The following DNAJC6 variants were observed in gnomAD, a reference collection of about 807,000 sequenced individuals.
DNAJC6 encodes auxilin.
Under a neutral mutation model 110.0 loss-of-function variants are expected in DNAJC6, and 34 were observed. The ratio of observed to expected loss-of-function variants is 0.31; its 90% CI spans 0.24 to 0.41. The LOEUF (loss-of-function observed/expected upper bound fraction) is 0.41. DNAJC6 is among the 10% of genes least tolerant of loss of function. The probability of loss-of-function intolerance (pLI) is 1.00; values close to 1 mark genes in which losing one functional copy is unlikely to be tolerated. For missense variants in DNAJC6, 1,031 were observed against 1,207.8 expected, an observed-to-expected ratio of 0.85 and a Z score of 2.17; for synonymous variants, 406 against 437.2, an observed-to-expected ratio of 0.93 and a Z score of 0.89.
At chr1:65,374,463 G>A (rs1645740234) in intron 4 of DNAJC6, among the ~76,000 whole-genome samples, 1 of 123,308 alleles carries the variant, frequency 8.1e-6, no homozygotes. Flanking sequence ...TTTCATCAGA[G>A]TTTTACAGTT....
rs1417809570 is a variant in DNAJC6, at chr1:65,355,243, C to T, written c.194-9392C>T. 1.4e-4 allele frequency among the ~76,000 whole-genome samples: 15 copies of T among 109,644 alleles called. No homozygotes were observed. The Admixed American group carries it at 1.9e-3, about 14-fold the overall frequency. 71.9% of individuals were successfully genotyped at this position (109,644 alleles called of 152,430 possible). On this transcript the variant is annotated intron_variant, in intron 1 of 18. Coordinates refer to ENST00000371069, the MANE Select transcript of DNAJC6 (RefSeq NM_001256864.2). ...GGGCCACTGCACTGCACAGCCTGGG[C>T]AAGAGAGCCACACCCTGTCTCAAAA...
At chr1:65,412,338 G>A (rs1170275927) in intron 18 of DNAJC6, among the ~76,000 whole-genome samples, 1 of 152,146 alleles carries the variant, frequency 6.6e-6, no homozygotes, top group Non-Finnish European at 1.5e-5. Flanking sequence ...CTGTCACATA[G>A]ACTATACCAG....
intron 1 of DNAJC6, among the ~76,000 whole-genome samples, chr1:65,336,018 G>A (rs1009451411): frequency 2.0e-5 from 3 of 152,128 alleles, no homozygotes; most frequent in African/African-American, 7.2e-5. Context: ...CTCTTTGTAT[G>A]TGGTAATATA....
chr1:65,290,047 T>C (rs866752253), intron 1 of DNAJC6, among the ~76,000 whole-genome samples: 13 of 152,146 alleles, frequency 8.5e-5, no homozygotes, highest in South Asian at 2.1e-4. Flanking sequence ...TGACCTCAAG[T>C]GATCCACCCG....
Position 65,405,856 on chromosome 1 carries a change from C to A in DNAJC6, c.2228-14C>A. On this transcript the variant is annotated splice_polypyrimidine_tract_variant and intron_variant, in intron 15 of 18. Transcript: ENST00000371069. ...CAAAATAGTTTTACCTTCTTTATCT[C>A]TTTTTTTCTTTAGGTAGTTCTTCCT... is the stretch of plus-strand genomic sequence containing the variant. 6.3e-7 allele frequency: 1 copy of A among 1,579,240 alleles called. No homozygotes were observed. Among genetic ancestry groups the A allele is most frequent in the Non-Finnish European group, 8.6e-7 (1 of 1,162,552 alleles).
At chr1:65,345,738 T>G in intron 1 of DNAJC6, 1 of 953,806 alleles carries the variant, frequency 1.0e-6, no homozygotes, top group Non-Finnish European at 1.2e-6. Flanking sequence ...GGGTGTACTT[T>G]TGGCCTTTGG....
chr1:65,366,331 A>G lies in DNAJC6; in HGVS notation c.543+135A>G, dbSNP rs35329755. On this transcript the variant is annotated intron_variant, in intron 4 of 18. Transcript: ENST00000371069. ...TACACTCTGGACACTTCTGTTCACA[A>G]AATATTTATTAGGCTGCTATGAGAT... 0.1 allele frequency: 93,788 copies of G among 931,714 alleles called. 14,816 individuals are homozygous for G. The highest frequency in any genetic ancestry group is 0.6 in the East Asian group (23,921 of 40,082). The allele number at this position is 931,714 out of a possible 1,614,324, so 57.7% of individuals were successfully genotyped here.
intron 14 of DNAJC6, 120 bp downstream of exon 14, chr1:65,399,001 C>T (rs1300688701): frequency 2.0e-6 from 2 of 985,602 alleles, no homozygotes; most frequent in Middle Eastern, 2.5e-4. Context: ...GTCACTTTTT[C>T]CTAAAGATTC....
At chr1:65,344,471 G>A (rs74080552) in intron 1 of DNAJC6, among the ~76,000 whole-genome samples, 3,298 of 152,224 alleles carry the variant, frequency 0.022, 114 homozygotes, top group African/African-American at 0.075. Flanking sequence ...TGGGCAGCTA[G>A]TGTGCCAGGG....
chr1:65,371,721 G>A (rs1477448271), intron 4 of DNAJC6, among the ~76,000 whole-genome samples: 1 of 152,052 alleles, frequency 6.6e-6, no homozygotes. Flanking sequence ...TTTCCCACTG[G>A]GTGGTATCAT....
chr1:65,351,639 A>G (rs1020035118), intron 1 of DNAJC6, among the ~76,000 whole-genome samples: 1 of 152,102 alleles, frequency 6.6e-6, no homozygotes, highest in African/African-American at 2.4e-5. Context: ...GCTGAGTTGT[A>G]CTCTGTGTTT....
intron 1 of DNAJC6, among the ~76,000 whole-genome samples, chr1:65,333,883 T>C (rs1645310967): frequency 6.6e-6 from 1 of 152,182 alleles, no homozygotes; most frequent in South Asian, 2.1e-4. Flanking sequence ...TGTAGGTTGT[T>C]TGCATGACCT....
intron 4 of DNAJC6, among the ~76,000 whole-genome samples, chr1:65,370,054 T>A (rs927834809): frequency 2.0e-5 from 3 of 152,134 alleles, no homozygotes; most frequent in Admixed American, 6.6e-5. Context: ...TATTTTTTTT[T>A]AATGTTTTTT....
chr1:65,265,564 C>T (rs1653287484), intron 1 of DNAJC6, among the ~76,000 whole-genome samples: 1 of 152,064 alleles, frequency 6.6e-6, no homozygotes, highest in Non-Finnish European at 1.5e-5. Context: ...AAGAGAGAAA[C>T]GAATTTAAAT....
At chr1:65,361,388 G>C (rs1480838793) in intron 1 of DNAJC6, among the ~76,000 whole-genome samples, 1 of 152,146 alleles carries the variant, frequency 6.6e-6, no homozygotes, top group Non-Finnish European at 1.5e-5. Flanking sequence ...ACATCTGTTA[G>C]GTATCAATAG....
chr1:65,334,334 A>C (rs2101464057), intron 1 of DNAJC6, among the ~76,000 whole-genome samples: 1 of 152,366 alleles, frequency 6.6e-6, no homozygotes, highest in African/African-American at 2.4e-5. Flanking sequence ...CAACTTTCAG[A>C]ATTGTTGCTG....
At chr1:65,358,203 A>G (rs1188828506) in intron 1 of DNAJC6, among the ~76,000 whole-genome samples, 1 of 151,584 alleles carries the variant, frequency 6.6e-6, no homozygotes, top group Non-Finnish European at 1.5e-5. Context: ...AAAAAAAACA[A>G]AACCTAATGA....
chr1:65,283,345 C>T (rs1418663963), intron 1 of DNAJC6, among the ~76,000 whole-genome samples: 1 of 152,144 alleles, frequency 6.6e-6, no homozygotes, highest in Non-Finnish European at 1.5e-5. Flanking sequence ...AGTCTGTTCT[C>T]CATCTTTATA....
rs540281589 is a variant in DNAJC6, at chr1:65,296,652, A to G, written c.-131+31720A>G. Reference sequence around the variant, plus strand: ...ACTCAGGCTGGAGTGCAGTGGCGCGATCTTAGCTCACTGCAACATCCACCT... The same window carrying G: ...ACTCAGGCTGGAGTGCAGTGGCGCGGTCTTAGCTCACTGCAACATCCACCT... On this transcript the variant is annotated intron_variant, in intron 1 of 19. Coordinates refer to the DNAJC6 transcript ENST00000263441. Among the ~76,000 whole-genome samples, 16 of 143,682 alleles carry G rather than the reference A, an allele frequency of 1.1e-4. No homozygotes were observed. In the South Asian group the frequency reaches 3.3e-3, roughly 29 times the overall value. The allele number at this position is 143,682 out of a possible 152,430, so 94.3% of individuals were successfully genotyped here. A position where few individuals can be genotyped will look rare whatever the true frequency, so the allele number is the denominator to read the frequency against.
Sources: gnomAD v4.1 joint callset for allele counts (sites outside exome capture counted in the v4.1 genomes callset) on GRCh38, gnomAD v4.1.1 for gene constraint, MANE v1.5 for transcripts, NCBI Gene and HGNC (gene_info 2026-07-23, HGNC 2026-07-21) for gene names.